Variants in MYO16 observed in about 807,000 individuals in gnomAD.
The protein encoded by MYO16 is unconventional myosin-XVI.
In MYO16, 94 loss-of-function variants were observed where a neutral mutation model predicts 205.3. The observed-to-expected ratio is 0.46, with a 90% CI of 0.39 to 0.54. MYO16 has a LOEUF of 0.54. Among genes scored for constraint, MYO16 ranks in the 20% least tolerant of loss-of-function variants. The probability of loss-of-function intolerance (pLI) is 0.00; values close to 1 mark genes in which losing one functional copy is unlikely to be tolerated. For missense variants in MYO16, 2,315 were observed against 2,387.5 expected, an observed-to-expected ratio of 0.97 and a Z score of 0.63; for synonymous variants, 988 against 954.0, an observed-to-expected ratio of 1.04 and a Z score of -0.66.
chr13:108,777,173 AG>A (rs1173530507), intron 4 of MYO16, among the ~76,000 whole-genome samples: 2 of 152,102 alleles, frequency 1.3e-5, no homozygotes, highest in African/African-American at 4.8e-5. Context: ...GTTCATGAGG[AG>A]GGGCACCGGG....
chr13:108,646,434 GA>G lies in MYO16; in HGVS notation c.28+16569del, dbSNP rs949956086. ...TTAAAGGGTAGTAATCAAAGTTATG[GA>G]AAAAAATCTGTTATGCATTAAGGGA... On this transcript the variant is annotated intron_variant, in intron 1 of 34. Coordinates refer to ENST00000457511, the MANE Select transcript of MYO16 (RefSeq NM_001198950.3). 7.9e-5 allele frequency among the ~76,000 whole-genome samples: 12 copies of G among 152,182 alleles called. No individual in the cohort carries two copies. The East Asian group carries it at 9.6e-4, about 12-fold the overall frequency.
At position 109,131,144 on chromosome 13, in the gene MYO16, C is replaced by T. The variant is rs182737274; in HGVS notation, c.4051+3594C>T. Among the ~76,000 whole-genome samples, 416 of 152,254 alleles carry T rather than the reference C, an allele frequency of 2.7e-3. 2 individuals carry two copies. The highest frequency in any genetic ancestry group is 9.3e-3 in the African/African-American group (386 of 41,538). On this transcript the variant is annotated intron_variant, in intron 31 of 34. Coordinates refer to ENST00000457511, the MANE Select transcript of MYO16 (RefSeq NM_001198950.3). ...CTTGGTTTCGCAGGATCAAGGACTA[C>T]GGCTGAAGTTGGTTTTGTACCTGAG... is the stretch of plus-strand genomic sequence containing the variant.
chr13:108,696,822 G>A (rs1296571888), intron 2 of MYO16, among the ~76,000 whole-genome samples: 1 of 152,140 alleles, frequency 6.6e-6, no homozygotes, highest in East Asian at 1.9e-4. Flanking sequence ...CCCTACCTGT[G>A]TGGGCCTCAT....
At chr13:108,520,868 C>T in the MYO16 span, among the ~76,000 whole-genome samples, 1 of 152,154 alleles carries the variant, frequency 6.6e-6, no homozygotes, top group Non-Finnish European at 1.5e-5. Flanking sequence ...TCTTCTGAGT[C>T]AGTAGAGGAT....
chr13:108,930,036 A>G (rs1190589850), intron 16 of MYO16, among the ~76,000 whole-genome samples: 1 of 152,268 alleles, frequency 6.6e-6, no homozygotes, highest in Non-Finnish European at 1.5e-5. Flanking sequence ...TAACATTTTC[A>G]TAATTTTAAA....
chr13:108,598,866 C>G (rs1458156139), intron 1 of MYO16, among the ~76,000 whole-genome samples: 2 of 150,252 alleles, frequency 1.3e-5, no homozygotes, highest in Non-Finnish European at 3.0e-5. Context: ...TTTTATTATA[C>G]TTTAAGTTTT....
At chr13:108,564,884 C>T in the MYO16 span, among the ~76,000 whole-genome samples, 1 of 152,158 alleles carries the variant, frequency 6.6e-6, no homozygotes, top group African/African-American at 2.4e-5. Flanking sequence ...ATCCAGTTTT[C>T]CCAGCACCAC....
chr13:108,955,861 A>G (rs1030719577), intron 16 of MYO16, among the ~76,000 whole-genome samples: 1 of 152,144 alleles, frequency 6.6e-6, no homozygotes, highest in African/African-American at 2.4e-5. Context: ...AAAACAAAAC[A>G]AAACAAAACA....
At chr13:108,800,060 G>T (rs542409619) in intron 6 of MYO16, among the ~76,000 whole-genome samples, 1 of 152,072 alleles carries the variant, frequency 6.6e-6, no homozygotes, top group African/African-American at 2.4e-5. Context: ...CCAGGTCTGG[G>T]TGATGCGCTC....
At chr13:109,106,294 A>G (rs1889120605) in intron 28 of MYO16, among the ~76,000 whole-genome samples, 1 of 152,184 alleles carries the variant, frequency 6.6e-6, no homozygotes, top group Admixed American at 6.5e-5. Context: ...CATTATTGTT[A>G]TTATTCAGGT....
Position 108,957,718 on chromosome 13 carries a change from A to G in MYO16, c.1956A>G (p.Ala652=), listed in dbSNP as rs1451349542. 1 of 1,613,454 alleles carries G rather than the reference A, an allele frequency of 6.2e-7. No individual in the cohort carries two copies. The highest frequency in any genetic ancestry group is 8.5e-7 in the Non-Finnish European group (1 of 1,179,452). Residue 652 remains alanine (A), a synonymous_variant, in exon 17 of 35, where the codon GCA becomes GCG. Transcript: ENST00000457511. ...TGAACCAGACCATACAGGATGATGC[A>G]TCCACAGGGGAGCGTTCTCTGAACA... ...RYLNQTIQDD[A]STGERSLNRE... is the part of the protein sequence containing the mutation.
intron 4 of MYO16, among the ~76,000 whole-genome samples, chr13:108,785,061 T>G (rs1886416393): frequency 6.6e-6 from 1 of 152,134 alleles, no homozygotes; most frequent in Non-Finnish European, 1.5e-5. Flanking sequence ...CCATTGAGAT[T>G]TACAGATCAT....
intron 6 of MYO16, among the ~76,000 whole-genome samples, chr13:108,795,117 T>C (rs1368054908): frequency 6.6e-6 from 1 of 151,960 alleles, no homozygotes; most frequent in Non-Finnish European, 1.5e-5. Context: ...TAAATATTTA[T>C]TCTGGAAGAT....
chr13:109,197,585 T>A (rs1159510586), intron 34 of MYO16, among the ~76,000 whole-genome samples: 1 of 152,190 alleles, frequency 6.6e-6, no homozygotes, highest in Non-Finnish European at 1.5e-5. Context: ...CATAGTCTTG[T>A]GAGGCAGTAA....
chr13:108,628,129 C>G (rs974439551), upstream of MYO16, among the ~76,000 whole-genome samples: 1 of 152,056 alleles, frequency 6.6e-6, no homozygotes, highest in East Asian at 1.9e-4. Context: ...TCCAAGAAAC[C>G]CTTTAAAAAT....
At chr13:108,852,706 T>C (rs1877947900) in intron 10 of MYO16, among the ~76,000 whole-genome samples, 1 of 152,114 alleles carries the variant, frequency 6.6e-6, no homozygotes, top group African/African-American at 2.4e-5. Flanking sequence ...GGAAGTTACA[T>C]GGTCTCCGTG....
intron 21 of MYO16, among the ~76,000 whole-genome samples, chr13:108,994,391 G>A (rs1212943077): frequency 1.3e-5 from 2 of 152,054 alleles, no homozygotes; most frequent in East Asian, 3.9e-4. Flanking sequence ...AAAGCAACTA[G>A]GAGTCATTTA....
chr13:108,863,531 T>C (rs950172636), intron 11 of MYO16, among the ~76,000 whole-genome samples: 1 of 152,164 alleles, frequency 6.6e-6, no homozygotes, highest in African/African-American at 2.4e-5. Context: ...CTTGCATTTC[T>C]AGAATAAAGC....
At chr13:108,911,059 A>ACG (rs1881237247) in intron 16 of MYO16, among the ~76,000 whole-genome samples, 1 of 136,848 alleles carries the variant, frequency 7.3e-6, no homozygotes, top group Non-Finnish European at 1.6e-5. Flanking sequence ...ACACACACAC[A>ACG]CACACACAGA....
Sources: allele counts gnomAD v4.1 joint callset (sites outside exome capture counted in the v4.1 genomes callset), GRCh38; gene constraint gnomAD v4.1.1; transcripts MANE v1.5; gene names NCBI Gene and HGNC (gene_info 2026-07-23, HGNC 2026-07-21).